Variants in RCOR1 observed in about 807,000 individuals in gnomAD.
RCOR1 encodes the protein REST corepressor.
A neutral mutation model predicts 64.0 loss-of-function variants in RCOR1; 12 were observed. The observed-to-expected ratio is 0.19, with a 90% confidence interval of 0.12 to 0.30. The LOEUF is 0.30. Ranked by LOEUF, RCOR1 falls within the 10% of genes least tolerant of loss-of-function variation. The pLI is 1.00. For synonymous variants in RCOR1, 279 were observed against 227.2 expected, an observed-to-expected ratio of 1.23 and a Z score of -2.05; for missense variants, 502 against 621.2, an observed-to-expected ratio of 0.81 and a Z score of 2.04.
intron 2 of RCOR1, among the ~76,000 whole-genome samples, chr14:102,604,411 G>C (rs539365747): frequency 1.4e-4 from 22 of 152,266 alleles, no homozygotes; most frequent in South Asian, 6.2e-4. Context: ...GGTACAACTT[G>C]TCATCACTAA....
chr14:102,643,162 G>T (rs1207383431), intron 2 of RCOR1: 1 of 158,292 alleles, frequency 6.3e-6, no homozygotes, highest in African/African-American at 2.4e-5. Context: ...GGTGCCTGTA[G>T]TCCCAGCTAC....
At chr14:102,688,794 C>T (rs143355635) in intron 3 of RCOR1, among the ~76,000 whole-genome samples, 192 of 152,322 alleles carry the variant, frequency 1.3e-3, no homozygotes, top group African/African-American at 3.4e-3. Flanking sequence ...TGCTGTGATA[C>T]GGTATCATCT....
At chr14:102,604,680 C>T (rs1192891388) in intron 2 of RCOR1, among the ~76,000 whole-genome samples, 1 of 152,068 alleles carries the variant, frequency 6.6e-6, no homozygotes, top group Non-Finnish European at 1.5e-5. Context: ...GGAAAAGGAT[C>T]AACAAGATAG....
At chr14:102,638,855 G>A (rs566881212) in intron 2 of RCOR1, among the ~76,000 whole-genome samples, 1 of 152,220 alleles carries the variant, frequency 6.6e-6, no homozygotes, top group African/African-American at 2.4e-5. Context: ...TGGAGACGGG[G>A]TTTCGCCATG....
At chr14:102,670,074 C>G (rs1895000900) in intron 2 of RCOR1, among the ~76,000 whole-genome samples, 1 of 152,138 alleles carries the variant, frequency 6.6e-6, no homozygotes, top group Admixed American at 6.5e-5. Flanking sequence ...CCTCAGCCTC[C>G]TGAGTAGCTG....
At chr14:102,695,137 A>G (rs1895618385) in intron 3 of RCOR1, among the ~76,000 whole-genome samples, 1 of 152,158 alleles carries the variant, frequency 6.6e-6, no homozygotes, top group Non-Finnish European at 1.5e-5. Context: ...CTTCTTTTGC[A>G]CTTGAGACTT....
rs1896269792 is a variant in RCOR1 at position 102,726,638 on chromosome 14, TC to T, written c.*134del. 5.5e-6 allele frequency: 4 copies of T among 729,140 alleles called. No individual in the cohort carries two copies. Among genetic ancestry groups the T allele is most frequent in the Admixed American group, 2.7e-5 (1 of 36,854 alleles). 45.2% of individuals were successfully genotyped at this position (729,140 alleles called of 1,614,324 possible). A position where few individuals can be genotyped will look rare whatever the true frequency, so the allele number is the denominator to read the frequency against. The stretch of plus-strand genomic sequence containing the variant: ...GCTATTACCAAAAAAGGCATATACT[TC>T]CAGTCCTGTGCTCCATCTGCCTTAA... On this transcript the variant is annotated 3_prime_UTR_variant, in exon 12 of 12. Coordinates refer to ENST00000262241, the MANE Select transcript of RCOR1 (RefSeq NM_015156.4).
At chr14:102,711,434 C>A (rs989017308) in intron 7 of RCOR1, among the ~76,000 whole-genome samples, 2 of 152,238 alleles carry the variant, frequency 1.3e-5, no homozygotes, top group Non-Finnish European at 2.9e-5. Context: ...AGGGACTCGG[C>A]ACAGCCCTCC....
rs1193172983 is a variant in RCOR1 at position 102,730,348 on chromosome 14, G to GT, written c.*3843dup. ...GAAAATATGTTGTAATAATGCTGTTGTAAGTAATATTTTAATGTCTCTTTG... is the reference window on the plus strand; with the variant it reads ...GAAAATATGTTGTAATAATGCTGTTGTTAAGTAATATTTTAATGTCTCTTTG... On this transcript the variant is annotated 3_prime_UTR_variant, in exon 12 of 12. Transcript: ENST00000262241. 2 of 216,418 alleles carry GT rather than the reference G, an allele frequency of 9.2e-6. No individual in the cohort carries two copies. Among genetic ancestry groups the GT allele is most frequent in the African/African-American group, 4.5e-5 (2 of 44,060 alleles). 13.4% of individuals were successfully genotyped at this position (216,418 alleles called of 1,614,324 possible).
chr14:102,596,790 C>T (rs952772818), intron 2 of RCOR1, among the ~76,000 whole-genome samples: 1 of 151,568 alleles, frequency 6.6e-6, no homozygotes, highest in African/African-American at 2.4e-5. Flanking sequence ...GTCTCGAACT[C>T]TTTGCTTCAG....
intron 2 of RCOR1, among the ~76,000 whole-genome samples, chr14:102,628,548 A>G (rs1397474360): frequency 6.6e-6 from 1 of 151,906 alleles, no homozygotes; most frequent in Non-Finnish European, 1.5e-5. Flanking sequence ...CAAAAAAAAA[A>G]AAAGCCTTAC....
At chr14:102,676,231 C>G (rs1192592505) in intron 2 of RCOR1, among the ~76,000 whole-genome samples, 1 of 150,614 alleles carries the variant, frequency 6.6e-6, no homozygotes, top group Non-Finnish European at 1.5e-5. Flanking sequence ...CTGGGCACAC[C>G]TCCCAGACGG....
At chr14:102,663,703 G>T (rs189629253) in intron 2 of RCOR1, among the ~76,000 whole-genome samples, 3 of 152,204 alleles carry the variant, frequency 2.0e-5, no homozygotes, top group Admixed American at 1.3e-4. Flanking sequence ...TACTGATAGG[G>T]CAGTGTTAAG....
chr14:102,631,302 A>C (rs1894106419), intron 2 of RCOR1, among the ~76,000 whole-genome samples: 1 of 149,402 alleles, frequency 6.7e-6, no homozygotes, highest in African/African-American at 2.5e-5. Context: ...TCCCAGGTTC[A>C]CGCCGTTCTC....
intron 2 of RCOR1, among the ~76,000 whole-genome samples, chr14:102,610,570 T>A (rs187869884): frequency 7.2e-5 from 11 of 152,194 alleles, no homozygotes; most frequent in African/African-American, 2.6e-4. Flanking sequence ...TATTATTATT[T>A]TTGTGTGTGT....
intron 3 of RCOR1, among the ~76,000 whole-genome samples, chr14:102,684,583 C>A (rs1421610296): frequency 6.6e-6 from 1 of 152,026 alleles, no homozygotes; most frequent in Non-Finnish European, 1.5e-5. Flanking sequence ...GGGAAAAAAA[C>A]AAAACAAACA....
intron 2 of RCOR1, among the ~76,000 whole-genome samples, chr14:102,624,627 G>A (rs1042454429): frequency 2.0e-5 from 3 of 152,118 alleles, no homozygotes; most frequent in African/African-American, 7.2e-5. Context: ...TTAGCCAGGT[G>A]TGATGGTGCG....
intron 2 of RCOR1, among the ~76,000 whole-genome samples, chr14:102,642,596 A>G (rs1177518589): frequency 6.6e-6 from 1 of 152,158 alleles, no homozygotes; most frequent in Non-Finnish European, 1.5e-5. Flanking sequence ...GCACTTTGGG[A>G]GGCAGAGGTG....
chr14:102,722,053 A>G, intron 10 of RCOR1, 134 bp from the exon 11 acceptor site: 1 of 674,278 alleles, frequency 1.5e-6, no homozygotes, highest in Non-Finnish European at 2.6e-6. Context: ...TCCTACTCTA[A>G]TAATACACGA....
Sources: gnomAD v4.1 joint callset for allele counts (sites outside exome capture counted in the v4.1 genomes callset) on GRCh38, gnomAD v4.1.1 for gene constraint, MANE v1.5 for transcripts, NCBI Gene and HGNC (gene_info 2026-07-23, HGNC 2026-07-21) for gene names.